The following PROCR variants were observed in gnomAD, a reference collection of about 807,000 sequenced individuals.
PROCR encodes protein C receptor.
In PROCR, 22 loss-of-function variants were observed where a neutral mutation model predicts 24.2. The ratio of observed to expected loss-of-function variants is 0.91; its 90% CI spans 0.65 to 1.30. The LOEUF (loss-of-function observed/expected upper bound fraction) is 1.30, where lower values mean the gene tolerates loss of function less well. Ranked by LOEUF, PROCR falls within the 50% of genes most tolerant of loss-of-function variation. PROCR has a pLI of 0.00. For synonymous variants in PROCR, 137 were observed against 139.2 expected (o/e 0.98, Z 0.11); for missense variants, 288 against 307.7 (o/e 0.94, Z 0.48).
At chr20:35,215,986 T>C (rs899911321) in exon 2 of PROCR, 4 of 582,050 alleles carry the variant, frequency 6.9e-6, no homozygotes, top group Non-Finnish European at 8.7e-6. Context: ...TCACTTGAGG[T>C]TGGGAGTTCG....
intron 1 of PROCR, among the ~76,000 whole-genome samples, chr20:35,191,857 C>T (rs565781759): frequency 7.5e-4 from 114 of 152,228 alleles, no homozygotes; most frequent in African/African-American, 2.4e-3. Flanking sequence ...AGAGGACTGA[C>T]GTGATTTGAC....
At chr20:35,199,743 G>T (rs1216079178) in intron 1 of PROCR, among the ~76,000 whole-genome samples, 1 of 141,200 alleles carries the variant, frequency 7.1e-6, no homozygotes, top group Non-Finnish European at 1.5e-5. Context: ...GTGAGACTGT[G>T]TCTCAAAAAA....
At chr20:35,194,140 T>G (rs1600745881) in intron 1 of PROCR, among the ~76,000 whole-genome samples, 1 of 152,184 alleles carries the variant, frequency 6.6e-6, no homozygotes, top group South Asian at 2.1e-4. Flanking sequence ...GAGACCTTGA[T>G]AAACAGCAGT....
intron 3 of PROCR, 111 bp downstream of exon 3, chr20:35,176,557 G>A (rs1331006855): frequency 6.3e-7 from 1 of 1,597,668 alleles, no homozygotes; most frequent in East Asian, 2.2e-5. Flanking sequence ...ACAGCTGGGG[G>A]TTTGGGACAG....
chr20:35,193,087 GT>G (rs1259480752), intron 1 of PROCR, among the ~76,000 whole-genome samples: 4 of 151,964 alleles, frequency 2.6e-5, no homozygotes, highest in Admixed American at 6.6e-5. Flanking sequence ...AACCTGTGGT[GT>G]TAGAAGCCAG....
At chr20:35,200,408 C>G (rs371206606) in intron 1 of PROCR, among the ~76,000 whole-genome samples, 1 of 152,072 alleles carries the variant, frequency 6.6e-6, no homozygotes, top group Non-Finnish European at 1.5e-5. Context: ...CAACCACCAC[C>G]CTTATTAGTC....
chr20:35,209,276 G>C (rs2060353389), intron 1 of PROCR, among the ~76,000 whole-genome samples: 1 of 152,138 alleles, frequency 6.6e-6, no homozygotes, highest in South Asian at 2.1e-4. Context: ...CCAGGTCTCT[G>C]GCATGAACAA....
At chr20:35,211,200 T>G (rs556921131) in intron 1 of PROCR, among the ~76,000 whole-genome samples, 1 of 152,258 alleles carries the variant, frequency 6.6e-6, no homozygotes, top group East Asian at 1.9e-4. Flanking sequence ...GCATACCCCA[T>G]TTGAAAACCA....
intron 3 of PROCR, 124 bp from the exon 4 acceptor site, chr20:35,176,574 C>T (rs1174069957): frequency 1.9e-6 from 3 of 1,590,074 alleles, no homozygotes; most frequent in Admixed American, 3.6e-5. Context: ...ACAGAACACA[C>T]GCAGCTTCAG....
At chr20:35,185,051 TC>T (rs2086112350) in intron 1 of PROCR, among the ~76,000 whole-genome samples, 2 of 103,772 alleles carry the variant, frequency 1.9e-5, no homozygotes, top group East Asian at 6.1e-4. Flanking sequence ...AAAAAAAAAA[TC>T]AATCCCAACA....
chr20:35,213,069 G>A (rs1008914256), intron 1 of PROCR, among the ~76,000 whole-genome samples: 3 of 152,156 alleles, frequency 2.0e-5, no homozygotes, highest in Admixed American at 6.6e-5. Context: ...AGTGGCTCAC[G>A]CCCATAATCC....
At chr20:35,212,572 C>T (rs549500546) in intron 1 of PROCR, among the ~76,000 whole-genome samples, 1 of 152,162 alleles carries the variant, frequency 6.6e-6, no homozygotes, top group Non-Finnish European at 1.5e-5. Context: ...AAGGTCTTGT[C>T]GTAACAGTAA....
intron 1 of PROCR, among the ~76,000 whole-genome samples, chr20:35,204,791 G>A (rs1260901660): frequency 6.6e-6 from 1 of 152,078 alleles, no homozygotes; most frequent in African/African-American, 2.4e-5. Context: ...AGGCAGCATG[G>A]TCCTGATGCC....
At chr20:35,171,152 C>T (rs2085947532), upstream of PROCR, among the ~76,000 whole-genome samples, 1 of 152,156 alleles carries the variant, frequency 6.6e-6, no homozygotes, top group Non-Finnish European at 1.5e-5. Context: ...CTGCCCACCT[C>T]GGCCTCCCAA....
At position 35,200,552 on chromosome 20, in the gene PROCR, T is replaced by G. The variant is rs182643300; in HGVS notation, c.95-15341T>G. ...AGGTATTTACATTTTAGACAAAATGTCATTGCATAACACTGTATGCAATGT... is the reference window on the plus strand; with the variant it reads ...AGGTATTTACATTTTAGACAAAATGGCATTGCATAACACTGTATGCAATGT... On this transcript the variant is annotated intron_variant, in intron 1 of 1. Transcript: ENST00000634509. Among the ~76,000 whole-genome samples the G allele has an allele frequency of 3.3e-5, 5 of 152,348 alleles. No individual in the cohort carries two copies. The East Asian group carries it at 9.6e-4, about 29-fold the overall frequency.
In PROCR at chr20:35,205,400, TA is replaced by T. The variant is rs1555791693; in HGVS notation, c.95-10480del. 3.0e-3 allele frequency among the ~76,000 whole-genome samples: 386 copies of T among 128,742 alleles called. 1 individual carries two copies. The highest frequency in any genetic ancestry group is 3.0e-3 in the African/African-American group (112 of 37,720). The allele number at this position is 128,742 out of a possible 152,430, so 84.5% of individuals were successfully genotyped here. On this transcript the variant is annotated intron_variant, in intron 1 of 1. Transcript: ENST00000634509. The stretch of plus-strand genomic sequence containing the variant: ...AACAAAATTTAAAACCCATTCATGA[TA>T]AAAAAAAAAAAATCTCTCAGCAAAC...
At chr20:35,197,822 A>C (rs200652486) in intron 1 of PROCR, among the ~76,000 whole-genome samples, 1 of 50,786 alleles carries the variant, frequency 2.0e-5, no homozygotes, top group Admixed American at 3.0e-4. Flanking sequence ...ACTCCGTCTC[A>C]AAAAAAAAAA....
At chr20:35,181,598 C>A (rs367672946), downstream of PROCR, among the ~76,000 whole-genome samples, 2 of 152,118 alleles carry the variant, frequency 1.3e-5, no homozygotes, top group East Asian at 3.8e-4. Context: ...TCTACCATTT[C>A]TCTTTAGCCA....
At chr20:35,183,422 T>C (rs2086096229) in intron 1 of PROCR, among the ~76,000 whole-genome samples, 1 of 152,212 alleles carries the variant, frequency 6.6e-6, no homozygotes, top group African/African-American at 2.4e-5. Flanking sequence ...TCTCATCTTA[T>C]ATGCCTGCTC....
Sources: gnomAD v4.1 joint callset for allele counts (sites outside exome capture counted in the v4.1 genomes callset) on GRCh38, gnomAD v4.1.1 for gene constraint, MANE v1.5 for transcripts, NCBI Gene and HGNC (gene_info 2026-07-23, HGNC 2026-07-21) for gene names.